The following TACR3 variants were observed in gnomAD, a reference collection of about 807,000 sequenced individuals.
TACR3 encodes tachykinin receptor 3.
A neutral mutation model predicts 35.0 loss-of-function variants in TACR3; 34 were observed. The observed-to-expected ratio is 0.97, with a 90% CI of 0.74 to 1.30. The LOEUF (loss-of-function observed/expected upper bound fraction) is 1.30. Ranked by LOEUF, TACR3 falls within the 50% of genes most tolerant of loss-of-function variation. The pLI is 0.00. For synonymous variants in TACR3, 233 were observed against 221.1 expected (o/e 1.05, Z -0.48); for missense variants, 558 against 591.7 (o/e 0.94, Z 0.59).
At chr4:103,680,267 G>A (rs539525722) in intron 1 of TACR3, among the ~76,000 whole-genome samples, 1 of 151,650 alleles carries the variant, frequency 6.6e-6, no homozygotes, top group East Asian at 1.9e-4. Context: ...TGAAGCAGCA[G>A]TCACACCTAC....
chr4:103,675,321 A>C (rs1726145839), intron 1 of TACR3, among the ~76,000 whole-genome samples: 1 of 152,172 alleles, frequency 6.6e-6, no homozygotes, highest in Non-Finnish European at 1.5e-5. Context: ...CTAGAAGATT[A>C]ACTGCAATTT....
intron 3 of TACR3, among the ~76,000 whole-genome samples, chr4:103,595,424 A>G (rs887180963): frequency 6.6e-6 from 1 of 152,156 alleles, no homozygotes; most frequent in African/African-American, 2.4e-5. Context: ...TACATTGCCT[A>G]TTTTTAGCAG....
At chr4:103,669,238 C>T (rs1444464440) in intron 1 of TACR3, among the ~76,000 whole-genome samples, 1 of 152,020 alleles carries the variant, frequency 6.6e-6, no homozygotes, top group Non-Finnish European at 1.5e-5. Context: ...ATCTAATATA[C>T]CACATTTTCT....
chr4:103,618,157 G>C (rs529658011), intron 3 of TACR3, among the ~76,000 whole-genome samples: 2 of 152,082 alleles, frequency 1.3e-5, no homozygotes, highest in African/African-American at 4.8e-5. Context: ...TGCCAAGGTC[G>C]ATGTTGAGAA....
Position 103,638,722 on chromosome 4 carries a change from A to G in TACR3, c.888+17472T>C, listed in dbSNP as rs189527235. Among the ~76,000 whole-genome samples the G allele has an allele frequency of 5.0e-3, 761 of 152,292 alleles. 12 individuals carry two copies. The highest frequency in any genetic ancestry group is 0.018 in the African/African-American group (729 of 41,548). The stretch of plus-strand genomic sequence containing the variant: ...AAAGGGCTACTATCCAGAATCTACA[A>G]TGAACTCAAACAAATTTACAAGAAA... On this transcript the variant is annotated intron_variant, in intron 3 of 4. Transcript: ENST00000304883.
At chr4:103,658,463 AG>A in intron 1 of TACR3, 60 bp from the exon 2 acceptor site, 2 of 1,501,736 alleles carry the variant, frequency 1.3e-6, no homozygotes, top group Non-Finnish European at 1.8e-6. Flanking sequence ...TTTGAAATGG[AG>A]TTTCAAAGGT....
In TACR3 at chr4:103,675,318, A is replaced by T. The variant is rs145235092; in HGVS notation, c.549-16915T>A. Among the ~76,000 whole-genome samples the T allele has an allele frequency of 5.3e-5, 8 of 152,282 alleles. No individual in the cohort carries two copies. The East Asian group carries it at 1.5e-3, about 29-fold the overall frequency. On this transcript the variant is annotated intron_variant, in intron 1 of 4. Transcript: ENST00000304883. The stretch of plus-strand genomic sequence containing the variant: ...TTCCTACGTCTTCACTTTCTAGAAG[A>T]TTAACTGCAATTTTGCTCATGTTTT...
intron 3 of TACR3, among the ~76,000 whole-genome samples, chr4:103,620,691 A>G (rs6815956): frequency 0.29 from 44,761 of 151,874 alleles, 6,860 homozygotes; most frequent in Non-Finnish European, 0.3. Context: ...TAGGAGCTAA[A>G]CATTGAGCAC....
intron 3 of TACR3, among the ~76,000 whole-genome samples, chr4:103,598,138 C>T (rs1337048850): frequency 3.3e-5 from 5 of 152,176 alleles, no homozygotes; most frequent in Admixed American, 6.5e-5. Context: ...TTTTAATGAT[C>T]ACCATTCTAA....
rs192623962 is a variant in TACR3, at chr4:103,589,531, A to C, written c.*151T>G. 3.4e-4 allele frequency: 264 copies of C among 778,424 alleles called. No homozygotes were observed. In the African/African-American group the frequency reaches 3.7e-3, roughly 11 times the overall value. The allele number at this position is 778,424 out of a possible 1,614,324, so 48.2% of individuals were successfully genotyped here. On this transcript the variant is annotated 3_prime_UTR_variant, in exon 5 of 5. Coordinates refer to ENST00000304883, the MANE Select transcript of TACR3 (RefSeq NM_001059.3). ...TGTTATTAGTGTCTTTGTCACATTT[A>C]TACACTACCTTTCTCAATTTGACCA...
At chr4:103,707,502 G>A (rs1267325441) in intron 1 of TACR3, among the ~76,000 whole-genome samples, 1 of 151,934 alleles carries the variant, frequency 6.6e-6, no homozygotes, top group Non-Finnish European at 1.5e-5. Flanking sequence ...CTATAATTCA[G>A]AAGAAAATCA....
rs1253035074 is a variant in TACR3, at chr4:103,588,834, C to A, written c.*848G>T. 3 of 151,982 alleles carry A rather than the reference C, an allele frequency of 2.0e-5. No homozygotes were observed. The highest frequency in any genetic ancestry group is 7.2e-5 in the African/African-American group (3 of 41,402). 9.4% of individuals were successfully genotyped at this position (151,982 alleles called of 1,614,324 possible). A position where few individuals can be genotyped will look rare whatever the true frequency, so the allele number is the denominator to read the frequency against. ...AGAGGAAGAGAACATAAATAGTATT[C>A]TTCCTCTATTTATTGGAATGTACCT... is the stretch of plus-strand genomic sequence containing the variant. On this transcript the variant is annotated 3_prime_UTR_variant, in exon 5 of 5. Transcript: ENST00000304883.
At chr4:103,660,474 A>C (rs1480205414) in intron 1 of TACR3, among the ~76,000 whole-genome samples, 1 of 152,036 alleles carries the variant, frequency 6.6e-6, no homozygotes, top group African/African-American at 2.4e-5. Flanking sequence ...AGTTAGCAAT[A>C]AATTATCATG....
chr4:103,708,877 G>T (rs527882859), intron 1 of TACR3, among the ~76,000 whole-genome samples: 4 of 152,304 alleles, frequency 2.6e-5, no homozygotes, highest in South Asian at 2.1e-4. Flanking sequence ...TTCAGTAGCC[G>T]ATTTGATTAA....
chr4:103,715,988 C>G (rs1335644179), intron 1 of TACR3, among the ~76,000 whole-genome samples: 1 of 152,018 alleles, frequency 6.6e-6, no homozygotes, highest in Admixed American at 6.6e-5. Context: ...TCTAATCAAA[C>G]CCTGCAGTCA....
At chr4:103,699,097 T>C (rs1478813407) in intron 1 of TACR3, among the ~76,000 whole-genome samples, 1 of 152,194 alleles carries the variant, frequency 6.6e-6, no homozygotes, top group Non-Finnish European at 1.5e-5. Flanking sequence ...CAAACCTTGT[T>C]TTCATGGAAA....
chr4:103,587,847 T>C lies in TACR3; in HGVS notation c.*1835A>G, dbSNP rs537143374. On this transcript the variant is annotated 3_prime_UTR_variant, in exon 5 of 5. Transcript: ENST00000304883. ...ATATTAAATTTGCTTATTTAAAACA[T>C]GCACACAAGCTTCACAGACTTTATT... The C allele has an allele frequency of 2.6e-5, 4 of 152,282 alleles. No individual in the cohort carries two copies. Among genetic ancestry groups the C allele is most frequent in the South Asian group, 4.1e-4 (2 of 4,830 alleles). The allele number at this position is 152,282 out of a possible 1,614,324, so 9.4% of individuals were successfully genotyped here.
intron 3 of TACR3, among the ~76,000 whole-genome samples, chr4:103,639,365 C>G (rs1202883311): frequency 2.0e-5 from 3 of 152,072 alleles, no homozygotes; most frequent in Non-Finnish European, 4.4e-5. Context: ...ACTGCATGTT[C>G]TCACTCATAG....
intron 3 of TACR3, chr4:103,593,197 G>A (rs958338569): frequency 3.3e-5 from 5 of 151,846 alleles, no homozygotes; most frequent in African/African-American, 7.3e-5. Flanking sequence ...TTTCAATTGC[G>A]CATTAGGAAA....
Sources: allele counts gnomAD v4.1 joint callset (sites outside exome capture counted in the v4.1 genomes callset), GRCh38; gene constraint gnomAD v4.1.1; transcripts MANE v1.5; gene names NCBI Gene and HGNC (gene_info 2026-07-23, HGNC 2026-07-21).